The following FGD4 variants were observed in gnomAD, a reference collection of about 807,000 sequenced individuals.
FGD4 encodes the protein FYVE, RhoGEF and PH domain-containing protein 4.
A neutral mutation model predicts 102.0 loss-of-function variants in FGD4; 42 were observed. The ratio of observed to expected loss-of-function variants is 0.41; its 90% CI spans 0.32 to 0.53. The LOEUF (loss-of-function observed/expected upper bound fraction) is 0.53, where lower values mean the gene tolerates loss of function less well. Among genes scored for constraint, FGD4 ranks in the 20% least tolerant of loss-of-function variants. The pLI is 0.21. For synonymous variants in FGD4, 380 were observed against 375.7 expected (o/e 1.01, Z -0.13); for missense variants, 902 against 1,078.2 (o/e 0.84, Z 2.29).
chr12:32,582,764 A>C, intron 4 of FGD4: 1 of 397,418 alleles, frequency 2.5e-6, no homozygotes, highest in Non-Finnish European at 4.6e-6. Context: ...TAGAAAGAAA[A>C]TGTTCCTTGT....
chr12:32,462,088 A>C (rs919706368), intron 1 of FGD4, among the ~76,000 whole-genome samples: 4 of 152,178 alleles, frequency 2.6e-5, no homozygotes, highest in African/African-American at 7.2e-5. Flanking sequence ...GCATAATATC[A>C]GGTGGTTTAT....
At chr12:32,471,748 C>T (rs549852815) in intron 1 of FGD4, among the ~76,000 whole-genome samples, 1 of 152,208 alleles carries the variant, frequency 6.6e-6, no homozygotes, top group African/African-American at 2.4e-5. Flanking sequence ...GACCCGGTGG[C>T]TGCTTGGGTC....
intron 1 of FGD4, among the ~76,000 whole-genome samples, chr12:32,480,641 C>T (rs1943724556): frequency 6.6e-6 from 1 of 151,470 alleles, no homozygotes; most frequent in Non-Finnish European, 1.5e-5. Context: ...GCTGGGATTA[C>T]AGGCACGCAC....
intron 1 of FGD4, among the ~76,000 whole-genome samples, chr12:32,493,013 C>T (rs917031571): frequency 6.6e-5 from 10 of 152,110 alleles, no homozygotes; most frequent in African/African-American, 2.2e-4. Context: ...ACACCCAGGC[C>T]TGCTGACTCT....
chr12:32,480,309 G>A lies in FGD4; in HGVS notation c.166+80350G>A, dbSNP rs922629493. Among the ~76,000 whole-genome samples the A allele has an allele frequency of 5.9e-5, 9 of 151,842 alleles. No individual in the cohort carries two copies. The South Asian group carries it at 6.2e-4, about 11-fold the overall frequency. ...CCCAAGTAGCTGGGATTACAGGTAC[G>A]TGCCACCATGCCCAGCTAATTTTTT... On this transcript the variant is annotated intron_variant, in intron 1 of 16. Transcript: ENST00000534526.
chr12:32,506,718 C>T lies in FGD4; in HGVS notation c.167-57419C>T, dbSNP rs1432572174. On this transcript the variant is annotated intron_variant, in intron 1 of 16. Transcript: ENST00000534526. This position sits in a 1 kb window ranked among gnomAD's most constrained non-coding sequence, Gnocchi z 4.5. ...ATTCATTCATCAGATATTTCTTGCA[C>T]ATTTACTCTATGCCATTCCTATTGC... Among the ~76,000 whole-genome samples, 1 of 152,188 alleles carries T rather than the reference C, an allele frequency of 6.6e-6. No individual in the cohort carries two copies. Among genetic ancestry groups the T allele is most frequent in the Non-Finnish European group, 1.5e-5 (1 of 68,044 alleles).
chr12:32,511,141 T>C (rs1437291529), intron 1 of FGD4: 1 of 152,232 alleles, frequency 6.6e-6, no homozygotes, highest in South Asian at 2.1e-4. Flanking sequence ...ACCAAATTGC[T>C]TGCCAAATGG....
intron 1 of FGD4, among the ~76,000 whole-genome samples, chr12:32,441,363 G>T (rs1942429435): frequency 6.6e-6 from 1 of 152,046 alleles, no homozygotes; most frequent in Non-Finnish European, 1.5e-5. Context: ...TGCTGGTGAT[G>T]AATGCTGCCA....
At chr12:32,413,813 T>A (rs1188800708) in intron 1 of FGD4, among the ~76,000 whole-genome samples, 2 of 152,150 alleles carry the variant, frequency 1.3e-5, no homozygotes, top group Admixed American at 1.3e-4. Context: ...TTTTACAGAA[T>A]TTGCTTTTTT....
At chr12:32,525,709 G>A (rs1185810630) in intron 1 of FGD4, among the ~76,000 whole-genome samples, 2 of 152,218 alleles carry the variant, frequency 1.3e-5, no homozygotes, top group Non-Finnish European at 2.9e-5. Context: ...TGCGTGTGGC[G>A]CTTGTGGGCC....
intron 1 of FGD4, among the ~76,000 whole-genome samples, chr12:32,523,861 C>T (rs1277733372): frequency 6.6e-6 from 1 of 151,852 alleles, no homozygotes; most frequent in Non-Finnish European, 1.5e-5. Flanking sequence ...ACCTGTAGTC[C>T]CAGCTGTTCT....
chr12:32,431,218 ATGTGTTAGGTGCTTCTC>A (rs1942031854), intron 1 of FGD4, among the ~76,000 whole-genome samples: 1 of 152,178 alleles, frequency 6.6e-6, no homozygotes. Context: ...CTGGCAGCAG[ATGTGTTAGGTGCTTCTC>A]TGCCTCTTGA....
intron 1 of FGD4, among the ~76,000 whole-genome samples, chr12:32,519,021 A>G (rs1481551635): frequency 2.7e-5 from 4 of 148,730 alleles, no homozygotes; most frequent in Non-Finnish European, 4.5e-5. Context: ...AGGCTGAGGC[A>G]GGAGAATCGC....
intron 15 of FGD4, 140 bp downstream of exon 15, chr12:32,633,829 C>G: frequency 1.4e-6 from 1 of 731,486 alleles, no homozygotes; most frequent in South Asian, 1.7e-5. Flanking sequence ...AATTACAGGC[C>G]CACGCCACCA....
At chr12:32,427,898 TG>T (rs1283140951) in intron 1 of FGD4, among the ~76,000 whole-genome samples, 5 of 152,246 alleles carry the variant, frequency 3.3e-5, no homozygotes, top group African/African-American at 1.2e-4. Context: ...TGCTTTTTTT[TG>T]CTTTCCATTT....
chr12:32,623,423 A>C (rs1462155500), intron 11 of FGD4, among the ~76,000 whole-genome samples: 2 of 152,196 alleles, frequency 1.3e-5, no homozygotes, highest in Non-Finnish European at 2.9e-5. Context: ...AGAAGCTTCC[A>C]CTTGGCAGAC....
intron 1 of FGD4, among the ~76,000 whole-genome samples, chr12:32,441,993 G>A (rs1178355457): frequency 6.6e-6 from 1 of 151,498 alleles, no homozygotes; most frequent in Non-Finnish European, 1.5e-5. Context: ...CCATGCTGCT[G>A]CTCTCAGGGT....
chr12:32,414,529 T>A (rs1941328796), intron 1 of FGD4, among the ~76,000 whole-genome samples: 1 of 152,162 alleles, frequency 6.6e-6, no homozygotes, highest in African/African-American at 2.4e-5. Flanking sequence ...TCTTACTTAT[T>A]CTTTCTATTT....
chr12:32,428,760 C>T (rs1480830386), intron 1 of FGD4, among the ~76,000 whole-genome samples: 9 of 151,550 alleles, frequency 5.9e-5, no homozygotes, highest in Admixed American at 5.9e-4. Context: ...TTGTCTTGTG[C>T]TTTATTTCAT....
Sources: allele counts gnomAD v4.1 joint callset (sites outside exome capture counted in the v4.1 genomes callset), GRCh38; gene constraint gnomAD v4.1.1; non-coding constraint Gnocchi (gnomAD v3.1); transcripts MANE v1.5; gene names NCBI Gene and HGNC (gene_info 2026-07-23, HGNC 2026-07-21).